The following BIRC6 variants were observed in gnomAD, a reference collection of about 807,000 sequenced individuals.
BIRC6 encodes the protein dual E2 ubiquitin-conjugating enzyme/E3 ubiquitin-protein ligase BIRC6.
A neutral mutation model predicts 503.3 loss-of-function variants in BIRC6; 98 were observed. That is an observed-to-expected ratio of 0.19 (90% CI 0.17 to 0.23). BIRC6 has a LOEUF of 0.23. Among genes scored for constraint, BIRC6 ranks in the 10% least tolerant of loss-of-function variants. The pLI is 1.00. For missense variants in BIRC6, 5,360 were observed against 5,806.0 expected, an observed-to-expected ratio of 0.92 and a Z score of 2.50; for synonymous variants, 2,240 against 2,078.7, an observed-to-expected ratio of 1.08 and a Z score of -2.11.
chr2:32,473,132 A>G lies in BIRC6; in HGVS notation c.6613A>G (p.Asn2205Asp), dbSNP rs1455373632. Residue 2205 changes from asparagine (N) to aspartate (D), a missense_variant, in exon 33 of 74, where the codon AAC becomes GAC. Physicochemically the swap from Asn to Asp is conservative, Grantham distance 23. Around this residue, in one of 16 missense-constraint regions of BIRC6, gnomAD observed 2,299 missense variants for 2,267.2 expected, o/e 1.01. Transcript: ENST00000421745. Reference sequence around the variant, plus strand: ...TGTAGGTAATCAGTGGAGTTTTATTAACAATAATCTACACACTCAGAGCTT... The same window carrying G: ...TGTAGGTAATCAGTGGAGTTTTATTGACAATAATCTACACACTCAGAGCTT... Reference protein sequence around the residue: ...PLNGNQWSFINNNLHTQSLNR... With the variant: ...PLNGNQWSFIDNNLHTQSLNR... 6.3e-7 allele frequency: 1 copy of G among 1,578,054 alleles called. No homozygotes were observed. Among genetic ancestry groups the G allele is most frequent in the Admixed American group, 1.8e-5 (1 of 54,592 alleles).
intron 4 of BIRC6, 36 bp from the exon 5 acceptor site, chr2:32,392,003 C>A (rs2149567985): frequency 7.5e-7 from 1 of 1,330,182 alleles, no homozygotes; most frequent in Non-Finnish European, 1.0e-6. Flanking sequence ...TGATTTGATG[C>A]CTAACTTCAA....
rs2046371463 is a variant in BIRC6, at chr2:32,448,809, G to A, written c.4499G>A (p.Ser1500Asn). 1.2e-6 allele frequency: 2 copies of A among 1,610,336 alleles called. No individual in the cohort carries two copies. The highest frequency in any genetic ancestry group is 1.3e-5 in the African/African-American group (1 of 74,682). ...ALLQTRYGLY[S>N]SPFDPVLFDL... Reference sequence around the variant, plus strand: ...TTATTTTTCAGATATGGATTATATAGCTCACCATTTGATCCAGTCCTCTTT... The same window carrying A: ...TTATTTTTCAGATATGGATTATATAACTCACCATTTGATCCAGTCCTCTTT... The change falls in exon 22 of 74, where the codon AGC (serine) becomes AAC (asparagine). Residue 1500 changes from serine (S) to asparagine (N), a missense_variant. Physicochemically the swap from Ser to Asn is conservative, Grantham distance 46. Around this residue, in one of 16 missense-constraint regions of BIRC6, gnomAD observed 2,299 missense variants for 2,267.2 expected, o/e 1.01. Coordinates refer to ENST00000421745, the MANE Select transcript of BIRC6 (RefSeq NM_016252.4).
At chr2:32,362,066 G>A (rs2034178490) in intron 1 of BIRC6, among the ~76,000 whole-genome samples, 2 of 152,148 alleles carry the variant, frequency 1.3e-5, no homozygotes, top group South Asian at 4.1e-4. Context: ...CTCAATTGCT[G>A]GGTTGCATGT....
At chr2:32,532,112 A>G (rs771779285) in intron 61 of BIRC6, 1 of 480,684 alleles carries the variant, frequency 2.1e-6, no homozygotes, top group East Asian at 6.2e-5. Flanking sequence ...AAGTAGGGGA[A>G]TTATTCTCTT....
chr2:32,404,955 C>A (rs1416967518), intron 8 of BIRC6, among the ~76,000 whole-genome samples: 1 of 152,150 alleles, frequency 6.6e-6, no homozygotes, highest in Non-Finnish European at 1.5e-5. Flanking sequence ...AGTCACTGTG[C>A]CTGTTGCCTG....
At chr2:32,586,450 T>TTTTTG (rs60284055) in intron 66 of BIRC6, among the ~76,000 whole-genome samples, 1 of 114,418 alleles carries the variant, frequency 8.7e-6, no homozygotes, top group African/African-American at 3.5e-5. Context: ...TTTTTTTTTT[T>TTTTTG]GAGACAGGGT....
At chr2:32,485,074 G>A in intron 39 of BIRC6, among the ~76,000 whole-genome samples, 1 of 152,142 alleles carries the variant, frequency 6.6e-6, no homozygotes, top group East Asian at 1.9e-4. Flanking sequence ...AAGGAGCATG[G>A]TATTTCAAAA....
chr2:32,584,505 C>T (rs1196359851), intron 66 of BIRC6, among the ~76,000 whole-genome samples: 1 of 152,012 alleles, frequency 6.6e-6, no homozygotes, highest in Non-Finnish European at 1.5e-5. Flanking sequence ...TGCACTCCAG[C>T]CTGGGCTACA....
intron 10 of BIRC6, among the ~76,000 whole-genome samples, chr2:32,417,520 A>C (rs985475549): frequency 3.3e-5 from 5 of 152,204 alleles, no homozygotes; most frequent in Non-Finnish European, 5.9e-5. Flanking sequence ...AATATCAGGC[A>C]AAATGAATAG....
rs7571694 is a variant in BIRC6, at chr2:32,375,458, G to A, written c.326-2130G>A. ...AGCCCCAGGCGTTGCCCTGGGCAAC[G>A]TAACGAGACCCTGTCTCTAAAAAAA... On this transcript the variant is annotated intron_variant, in intron 1 of 73. Transcript: ENST00000421745. Among the ~76,000 whole-genome samples, 789 of 151,984 alleles carry A rather than the reference G, an allele frequency of 5.2e-3. 10 individuals are homozygous for A. Among genetic ancestry groups the A allele is most frequent in the African/African-American group, 0.017 (716 of 41,452 alleles).
At position 32,360,077 on chromosome 2, in the gene BIRC6, T is replaced by C. The variant is rs886323992; in HGVS notation, c.325+2591T>C. Among the ~76,000 whole-genome samples the C allele has an allele frequency of 4.6e-5, 7 of 152,168 alleles. 1 individual carries two copies. The highest frequency in any genetic ancestry group is 1.0e-4 in the Non-Finnish European group (7 of 68,034). On this transcript the variant is annotated intron_variant, in intron 1 of 73. Transcript: ENST00000421745. ...AGTAGCGATCATGGTCCTAACATAA[T>C]CCCTCTTTCCCGTTTATGGGCAATG...
intron 68 of BIRC6, among the ~76,000 whole-genome samples, chr2:32,596,940 C>T (rs2151451196): frequency 6.6e-6 from 1 of 152,268 alleles, no homozygotes; most frequent in East Asian, 1.9e-4. Flanking sequence ...TGTCCAGACC[C>T]CTTCATTAAT....
At position 32,373,845 on chromosome 2, in the gene BIRC6, C is replaced by T. The variant is rs79365665; in HGVS notation, c.326-3743C>T. On this transcript the variant is annotated intron_variant, in intron 1 of 73. Transcript: ENST00000421745. ...CAAAAGGCAGAAGCAACCTAAGTGT[C>T]TGTCCATTGATAGTTGAATGGATAA... Among the ~76,000 whole-genome samples, 894 of 152,342 alleles carry T rather than the reference C, an allele frequency of 5.9e-3. 11 individuals carry two copies. The highest frequency in any genetic ancestry group is 0.021 in the African/African-American group (856 of 41,586).
At chr2:32,398,195 C>T (rs2040186186) in intron 6 of BIRC6, among the ~76,000 whole-genome samples, 1 of 152,140 alleles carries the variant, frequency 6.6e-6, no homozygotes, top group Non-Finnish European at 1.5e-5. Flanking sequence ...CTAGCAATTC[C>T]ACTTCTATTT....
chr2:32,436,947 T>G (rs13019575), intron 15 of BIRC6, among the ~76,000 whole-genome samples: 145,294 of 145,296 alleles, frequency 1, 72,646 homozygotes, highest in Middle Eastern at 1. Context: ...GGAGTGCAGT[T>G]CTGTTATCTC....
rs551237051 is a variant in BIRC6, at chr2:32,389,071, TAAA to T, written c.839+135_839+137del. The T allele has an allele frequency of 1.7e-3, 1,104 of 636,944 alleles. 12 individuals are homozygous for T. The African/African-American group carries it at 0.019, about 11-fold the overall frequency. 39.5% of individuals were successfully genotyped at this position (636,944 alleles called of 1,614,324 possible). On this transcript the variant is annotated intron_variant, in intron 4 of 73. Coordinates refer to ENST00000421745, the MANE Select transcript of BIRC6 (RefSeq NM_016252.4). ...ACAATTTCTAGCCTAATTTTGAAAT[TAAA>T]AAAAAATCAATATGAATTAGAATCT...
Position 32,441,385 on chromosome 2 carries a change from C to A in BIRC6, c.3867C>A (p.Asn1289Lys). 6.2e-7 allele frequency: 1 copy of A among 1,609,000 alleles called. No homozygotes were observed. The highest frequency in any genetic ancestry group is 1.1e-5 in the South Asian group (1 of 90,692). ...ENTSGTRKSE[N>K]LRGCDLLQEV... ...CAAGTGGCACCCGTAAATCTGAAAA[C>A]CTCCGGGGCTGTGATTTACTTCAAG... Residue 1289 changes from asparagine (N) to lysine (K), a missense_variant, in exon 17 of 74, where the codon AAC (asparagine) becomes AAA (lysine). Coordinates refer to ENST00000421745, the MANE Select transcript of BIRC6 (RefSeq NM_016252.4).
chr2:32,503,728 G>A (rs1333160072), intron 49 of BIRC6, among the ~76,000 whole-genome samples: 2 of 151,438 alleles, frequency 1.3e-5, no homozygotes, highest in Admixed American at 6.6e-5. Flanking sequence ...GGCCGAGAGG[G>A]AATGTTTTAA....
intron 53 of BIRC6, 40 bp from the exon 54 acceptor site, chr2:32,512,893 C>T (rs779593491): frequency 1.3e-5 from 20 of 1,537,158 alleles, no homozygotes; most frequent in Admixed American, 1.7e-5. Context: ...GCCAATTGCA[C>T]TATATAGTTG....
Sources: allele counts gnomAD v4.1 joint callset (sites outside exome capture counted in the v4.1 genomes callset), GRCh38; gene constraint gnomAD v4.1.1; regional missense constraint gnomAD v4.1.1; transcripts MANE v1.5; gene names NCBI Gene and HGNC (gene_info 2026-07-23, HGNC 2026-07-21).